CAPZA2: variants seen among roughly 807,000 people sequenced by gnomAD.
The protein encoded by CAPZA2 is capping actin protein of muscle Z-line subunit alpha 2.
In CAPZA2, 13 loss-of-function variants were observed where a neutral mutation model predicts 44.0. The observed-to-expected ratio is 0.30, with a 90% CI of 0.19 to 0.47. The LOEUF (loss-of-function observed/expected upper bound fraction) is 0.47. Ranked by LOEUF, CAPZA2 falls within the 20% of genes least tolerant of loss-of-function variation. The pLI is 1.00. For synonymous variants in CAPZA2, 94 were observed against 108.2 expected (o/e 0.87, Z 0.81); for missense variants, 244 against 338.6 (o/e 0.72, Z 2.19).
intron 1 of CAPZA2, chr7:116,875,169 G>A (rs1451319043): frequency 1.3e-5 from 2 of 150,674 alleles, no homozygotes; most frequent in Non-Finnish European, 3.0e-5. Context: ...TTCCTTGCCT[G>A]AACTGTTTAT....
At chr7:116,916,641 A>AT (rs1562964867) in intron 9 of CAPZA2, among the ~76,000 whole-genome samples, 12 of 152,102 alleles carry the variant, frequency 7.9e-5, no homozygotes, top group Admixed American at 3.3e-4. Context: ...AAAAAAGACT[A>AT]GGTTTTGGCC....
intron 1 of CAPZA2, among the ~76,000 whole-genome samples, chr7:116,878,204 A>G (rs1796645039): frequency 6.6e-6 from 1 of 152,222 alleles, no homozygotes. Flanking sequence ...AGGTGTGTAC[A>G]TTTGAGAGTT....
At chr7:116,888,354 TG>T in intron 2 of CAPZA2, 164 bp downstream of exon 2, 1 of 477,892 alleles carries the variant, frequency 2.1e-6, no homozygotes, top group East Asian at 3.2e-5. Context: ...TAGAATATAA[TG>T]TATTTATTTA....
At chr7:116,867,582 CTTTTTT>C (rs67944722) in intron 1 of CAPZA2, among the ~76,000 whole-genome samples, 3 of 114,822 alleles carry the variant, frequency 2.6e-5, no homozygotes, top group African/African-American at 3.1e-5. Flanking sequence ...ATTTCTCTCT[CTTTTTT>C]TTTTTTTTTT....
chr7:116,887,898 TATTC>T (rs1228639755), intron 1 of CAPZA2, among the ~76,000 whole-genome samples: 2 of 152,238 alleles, frequency 1.3e-5, no homozygotes, highest in African/African-American at 4.8e-5. Context: ...TTTGAATCTT[TATTC>T]ATTCAGTATT....
chr7:116,869,614 A>G, intron 1 of CAPZA2, among the ~76,000 whole-genome samples: 1 of 152,336 alleles, frequency 6.6e-6, no homozygotes, highest in South Asian at 2.1e-4. Flanking sequence ...TGCATCTTAT[A>G]TTGATTGTGA....
In CAPZA2 at chr7:116,879,987, C is replaced by G. The variant is rs569645768; in HGVS notation, c.40-8140C>G. The G allele has an allele frequency of 2.0e-5, 8 of 397,558 alleles. No homozygotes were observed. The Admixed American group carries it at 3.0e-4, about 15-fold the overall frequency. 24.6% of individuals were successfully genotyped at this position (397,558 alleles called of 1,614,324 possible). A position where few individuals can be genotyped will look rare whatever the true frequency, so the allele number is the denominator to read the frequency against. ...CTAATATTTGAGGGTCTGCTATTTG[C>G]CAGGCACCATTCTAAGCACTCAGAT... On this transcript the variant is annotated intron_variant, in intron 1 of 9. Transcript: ENST00000361183.
At chr7:116,879,766 A>G (rs1466412188) in intron 1 of CAPZA2, among the ~76,000 whole-genome samples, 1 of 152,094 alleles carries the variant, frequency 6.6e-6, no homozygotes. Context: ...CCCCTGATCT[A>G]CAGAATTGCA....
chr7:116,906,244 T>C lies in CAPZA2; in HGVS notation c.427-19T>C. ...ATGGCCCTAAATTCATTCTTATGCTTATTTTCTTTGCCAATAAGGTGTATG... is the reference window on the plus strand; with the variant it reads ...ATGGCCCTAAATTCATTCTTATGCTCATTTTCTTTGCCAATAAGGTGTATG... On this transcript the variant is annotated intron_variant, in intron 5 of 9. Transcript: ENST00000361183. 1 of 1,605,342 alleles carries C rather than the reference T, an allele frequency of 6.2e-7. No individual in the cohort carries two copies. Among genetic ancestry groups the C allele is most frequent in the Non-Finnish European group, 8.5e-7 (1 of 1,178,278 alleles).
intron 4 of CAPZA2, among the ~76,000 whole-genome samples, chr7:116,900,085 T>A (rs979344624): frequency 6.6e-6 from 1 of 151,678 alleles, no homozygotes; most frequent in African/African-American, 2.4e-5. Context: ...AAAAAGAGAT[T>A]TGAGAAATTC....
Position 116,917,805 on chromosome 7 carries a change from A to G in CAPZA2, c.799A>G (p.Thr267Ala), listed in dbSNP as rs1242890786. Residue 267 changes from threonine (T) to alanine (A), a missense_variant, in exon 10 of 10, where the codon ACT becomes GCT. Physicochemically the swap from Thr to Ala is moderately conservative, Grantham distance 58 (BLOSUM62 0). Transcript: ENST00000361183. ...ACGTCGACAGTTGCCAGTTACACGCACTAAGATTGATTGGAACAAGATCCT... is the reference window on the plus strand; with the variant it reads ...ACGTCGACAGTTGCCAGTTACACGCGCTAAGATTGATTGGAACAAGATCCT... The part of the protein sequence containing the change: ...ALRRQLPVTR[T>A]KIDWNKILSY... 5 of 1,611,668 alleles carry G rather than the reference A, an allele frequency of 3.1e-6. No homozygotes were observed. Among genetic ancestry groups the G allele is most frequent in the Non-Finnish European group, 4.2e-6 (5 of 1,177,704 alleles).
In CAPZA2 at chr7:116,893,062, A is replaced by C; in HGVS notation, c.155+17A>C. 6.6e-7 allele frequency: 1 copy of C among 1,511,296 alleles called. No individual in the cohort carries two copies. Among genetic ancestry groups the C allele is most frequent in the Non-Finnish European group, 9.1e-7 (1 of 1,101,638 alleles). 93.6% of individuals were successfully genotyped at this position (1,511,296 alleles called of 1,614,324 possible). On this transcript the variant is annotated intron_variant, in intron 3 of 9. Transcript: ENST00000361183. ...AGCAGCCCAGTAAGTATTATTTATC[A>C]TACTAACCTAACTAAAATGACATGG...
At chr7:116,904,605 T>C in intron 5 of CAPZA2, 1 of 459,368 alleles carries the variant, frequency 2.2e-6, no homozygotes, top group Non-Finnish European at 3.8e-6. Context: ...TTGATTTAAA[T>C]CCATGTAGAA....
intron 1 of CAPZA2, among the ~76,000 whole-genome samples, chr7:116,883,230 A>G (rs1023313357): frequency 6.6e-6 from 1 of 152,186 alleles, no homozygotes; most frequent in Admixed American, 6.5e-5. Context: ...TACATTTGTA[A>G]TTATTTTCAG....
chr7:116,863,009 G>C (rs10247488), intron 1 of CAPZA2, among the ~76,000 whole-genome samples: 3,357 of 152,208 alleles, frequency 0.022, 128 homozygotes, highest in African/African-American at 0.077. Flanking sequence ...GCCGGGGACC[G>C]GGGACCAGGG....
intron 1 of CAPZA2, among the ~76,000 whole-genome samples, chr7:116,862,996 G>T (rs1305828175): frequency 1.3e-5 from 2 of 152,076 alleles, no homozygotes; most frequent in Non-Finnish European, 2.9e-5. Context: ...GGCCTCCGCC[G>T]GGGCCGGGGA....
In CAPZA2 at chr7:116,910,562, G is replaced by T. The variant is rs1443952105; in HGVS notation, c.585+251G>T. The stretch of plus-strand genomic sequence containing the variant: ...AGCTAAAATTAGATGCTGCCATTTG[G>T]TCTGCTCTTCAGATACAATTTGTTC... On this transcript the variant is annotated intron_variant, in intron 7 of 9. Transcript: ENST00000361183. 2.0e-5 allele frequency among the ~76,000 whole-genome samples: 3 copies of T among 152,138 alleles called. No individual in the cohort carries two copies. In the East Asian group the frequency reaches 5.8e-4, roughly 29 times the overall value.
At position 116,912,154 on chromosome 7, in the gene CAPZA2, T is replaced by C; in HGVS notation, c.657+14T>C. 6.2e-7 allele frequency: 1 copy of C among 1,610,822 alleles called. No homozygotes were observed. Among genetic ancestry groups the C allele is most frequent in the Non-Finnish European group, 8.5e-7 (1 of 1,178,578 alleles). On this transcript the variant is annotated intron_variant, in intron 8 of 9. Transcript: ENST00000361183. ...CTAACAGTGTCTGTAAGTAATTAAT[T>C]CCACAATAAAATTTAACCTAATACT... is the stretch of plus-strand genomic sequence containing the variant.
Position 116,910,241 on chromosome 7 carries a change from G to A in CAPZA2, c.515G>A (p.Arg172His), listed in dbSNP as rs374652310. Residue 172 changes from arginine to histidine, a missense_variant, in exon 7 of 10, where the codon CGT becomes CAT. Transcript: ENST00000361183. The part of the protein sequence containing the change: ...QFQAKNFWNG[R>H]WRSEWKFTIT... The stretch of plus-strand genomic sequence containing the variant: ...CTGTTTTTATTTTTAAGGAATGGTC[G>A]TTGGAGGTCAGAATGGAAGTTTACA... 3.8e-6 allele frequency: 6 copies of A among 1,574,668 alleles called. No homozygotes were observed. Among genetic ancestry groups the A allele is most frequent in the Non-Finnish European group, 5.2e-6 (6 of 1,144,366 alleles).
Sources: allele counts gnomAD v4.1 joint callset (sites outside exome capture counted in the v4.1 genomes callset), GRCh38; gene constraint gnomAD v4.1.1; transcripts MANE v1.5; gene names NCBI Gene and HGNC (gene_info 2026-07-23, HGNC 2026-07-21).